The following ANKRD45 variants were observed in gnomAD, a reference collection of about 807,000 sequenced individuals.
ANKRD45 encodes ankyrin repeat domain-containing protein 45.
Under a neutral mutation model 28.1 loss-of-function variants are expected in ANKRD45, and 21 were observed. That is an observed-to-expected ratio of 0.75 (90% confidence interval 0.53 to 1.08). The LOEUF is 1.08. Among genes scored for constraint, ANKRD45 ranks in the 50% least tolerant of loss-of-function variants. The probability of loss-of-function intolerance (pLI) is 0.00; values close to 1 mark genes in which losing one functional copy is unlikely to be tolerated. For synonymous variants in ANKRD45, 86 were observed against 103.9 expected (o/e 0.83, Z 1.05); for missense variants, 261 against 308.7 (o/e 0.85, Z 1.16).
the ANKRD45 span, among the ~76,000 whole-genome samples, chr1:173,680,123 C>T: frequency 6.6e-6 from 1 of 152,210 alleles, no homozygotes; most frequent in Admixed American, 6.5e-5. Flanking sequence ...TTGCGGAAGA[C>T]AGTGTGGCAA....
chr1:173,689,059 G>A, the ANKRD45 span, among the ~76,000 whole-genome samples: 1 of 152,122 alleles, frequency 6.6e-6, no homozygotes, highest in African/African-American at 2.4e-5. Flanking sequence ...GGCTCCTGCT[G>A]GGACTCAATA....
At chr1:173,701,834 T>G in the ANKRD45 span, among the ~76,000 whole-genome samples, 3 of 152,016 alleles carry the variant, frequency 2.0e-5, no homozygotes, top group African/African-American at 7.2e-5. Context: ...AATAAAAATT[T>G]AAAAATTAGA....
chr1:173,620,818 G>A (rs1013544163), intron 5 of ANKRD45, among the ~76,000 whole-genome samples: 3 of 151,092 alleles, frequency 2.0e-5, no homozygotes, highest in Admixed American at 2.0e-4. Context: ...GAGCAGAATT[G>A]AAGGAGACAG....
chr1:173,619,002 A>G (rs577299373), intron 5 of ANKRD45, among the ~76,000 whole-genome samples: 1 of 152,362 alleles, frequency 6.6e-6, no homozygotes, highest in Admixed American at 6.5e-5. Context: ...TAAAGAAAAG[A>G]ATTTCCAACC....
chr1:173,677,316 T>G, the ANKRD45 span, among the ~76,000 whole-genome samples: 1 of 152,192 alleles, frequency 6.6e-6, no homozygotes, highest in Non-Finnish European at 1.5e-5. Context: ...ATTTTAATCT[T>G]GATCATAAGC....
At chr1:173,643,858 G>A (rs1452315065) in intron 3 of ANKRD45, among the ~76,000 whole-genome samples, 3 of 152,114 alleles carry the variant, frequency 2.0e-5, no homozygotes, top group African/African-American at 7.2e-5. Context: ...ATAAGTAACG[G>A]AAAAGAATAG....
chr1:173,659,438 G>T lies in ANKRD45; in HGVS notation c.-15-5C>A. The T allele has an allele frequency of 6.7e-7, 1 of 1,491,624 alleles. No homozygotes were observed. Among genetic ancestry groups the T allele is most frequent in the Non-Finnish European group, 8.9e-7 (1 of 1,121,150 alleles). 92.4% of individuals were successfully genotyped at this position (1,491,624 alleles called of 1,614,324 possible). ...CTCCATTAACTCCAAAAATACCTAT[G>T]ACCAAAAAAATAAAAAAGTGATAAA... On this transcript the variant is annotated splice_polypyrimidine_tract_variant and splice_region_variant and intron_variant, in intron 1 of 5. Transcript: ENST00000333279.
At chr1:173,620,607 G>C (rs1342918968) in intron 5 of ANKRD45, among the ~76,000 whole-genome samples, 2 of 152,130 alleles carry the variant, frequency 1.3e-5, no homozygotes, top group South Asian at 2.1e-4. Context: ...TTGTGGGTTG[G>C]GGGGAGGGAT....
At chr1:173,669,528 G>T (rs1407527010) in intron 1 of ANKRD45, 4 of 454,498 alleles carry the variant, frequency 8.8e-6, no homozygotes, top group South Asian at 4.7e-5. Flanking sequence ...TGGCAGCGCC[G>T]CCAGGTGATC....
chr1:173,674,003 G>A (rs1393474573), upstream of ANKRD45, among the ~76,000 whole-genome samples: 1 of 151,928 alleles, frequency 6.6e-6, no homozygotes, highest in Non-Finnish European at 1.5e-5. Flanking sequence ...TTTTCTGTGA[G>A]GGAACCTTTC....
At chr1:173,642,433 TA>T (rs1415602497) in intron 3 of ANKRD45, among the ~76,000 whole-genome samples, 1 of 151,902 alleles carries the variant, frequency 6.6e-6, no homozygotes, top group Non-Finnish European at 1.5e-5. Flanking sequence ...AGAGGAATTA[TA>T]AAATAAAAGA....
At chr1:173,614,957 C>T (rs920992820) in intron 5 of ANKRD45, among the ~76,000 whole-genome samples, 2 of 152,054 alleles carry the variant, frequency 1.3e-5, no homozygotes, top group African/African-American at 2.4e-5. Context: ...GCTGCAATGA[C>T]AGGTGCACGC....
intron 3 of ANKRD45, among the ~76,000 whole-genome samples, chr1:173,645,897 A>G (rs1014865095): frequency 6.6e-6 from 1 of 152,170 alleles, no homozygotes; most frequent in Non-Finnish European, 1.5e-5. Context: ...TGCTCTGCCA[A>G]TTTTAACCTT....
At chr1:173,645,885 C>G (rs1668896826) in intron 3 of ANKRD45, among the ~76,000 whole-genome samples, 1 of 152,176 alleles carries the variant, frequency 6.6e-6, no homozygotes, top group African/African-American at 2.4e-5. Flanking sequence ...GCACAGAATA[C>G]TTGCTCTGCC....
the ANKRD45 span, among the ~76,000 whole-genome samples, chr1:173,707,764 G>C: frequency 1.3e-5 from 2 of 152,184 alleles, no homozygotes; most frequent in African/African-American, 4.8e-5. Context: ...TCCAACTCGT[G>C]ACAAATATAA....
At position 173,610,217 on chromosome 1, in the gene ANKRD45, TGAAAG is replaced by T. The variant is rs1001201496; in HGVS notation, c.731-7_731-3del. 1 of 1,613,450 alleles carries T rather than the reference TGAAAG, an allele frequency of 6.2e-7. No homozygotes were observed. The highest frequency in any genetic ancestry group is 8.5e-7 in the Non-Finnish European group (1 of 1,179,542). On this transcript the variant is annotated splice_region_variant and splice_polypyrimidine_tract_variant and intron_variant, in intron 5 of 5. Coordinates refer to ENST00000333279, the MANE Select transcript of ANKRD45 (RefSeq NM_198493.3). ...CAGATTTGGCACTTTTCACTTGACC[TGAAAG>T]GAAACAGATTTTAAAATTACATTTA... is the stretch of plus-strand genomic sequence containing the variant.
chr1:173,632,630 A>T (rs142631184), intron 3 of ANKRD45, among the ~76,000 whole-genome samples: 61 of 152,174 alleles, frequency 4.0e-4, no homozygotes, highest in African/African-American at 1.4e-3. Flanking sequence ...ACTGAATTCA[A>T]CCACACATTT....
intron 3 of ANKRD45, among the ~76,000 whole-genome samples, chr1:173,632,809 T>C (rs1277281514): frequency 6.6e-6 from 1 of 152,020 alleles, no homozygotes; most frequent in East Asian, 1.9e-4. Context: ...TATTCCTTCA[T>C]GTAAAAATCC....
the ANKRD45 span, among the ~76,000 whole-genome samples, chr1:173,708,841 C>A: frequency 6.6e-6 from 1 of 152,096 alleles, no homozygotes; most frequent in Non-Finnish European, 1.5e-5. Flanking sequence ...CAAGAATGAC[C>A]AAGTGATGGC....
Sources: gnomAD v4.1 joint callset for allele counts (sites outside exome capture counted in the v4.1 genomes callset) on GRCh38, gnomAD v4.1.1 for gene constraint, MANE v1.5 for transcripts, NCBI Gene and HGNC (gene_info 2026-07-23, HGNC 2026-07-21) for gene names.